The following BPIFB4 variants were observed in gnomAD, a reference collection of about 807,000 sequenced individuals.
BPIFB4 encodes the protein BPI fold containing family B member 4, also known as BPI fold-containing family B member 4.
In BPIFB4, 62 loss-of-function variants were observed where a neutral mutation model predicts 69.2. The ratio of observed to expected loss-of-function variants is 0.90; its 90% CI spans 0.73 to 1.11. The LOEUF is 1.11. BPIFB4 is among the 50% of genes least tolerant of loss of function. The pLI, the probability that BPIFB4 is intolerant of heterozygous loss-of-function variation, is 0.00. For missense variants in BPIFB4, 789 were observed against 792.0 expected (o/e 1.00, Z 0.04); for synonymous variants, 330 against 332.7 (o/e 0.99, Z 0.09).
rs779178772 is a variant in BPIFB4, at chr20:33,083,350, C to T, written c.170-17C>T. 3 of 1,607,484 alleles carry T rather than the reference C, an allele frequency of 1.9e-6. No individual in the cohort carries two copies. Among genetic ancestry groups the T allele is most frequent in the Non-Finnish European group, 2.6e-6 (3 of 1,175,836 alleles). On this transcript the variant is annotated splice_polypyrimidine_tract_variant and intron_variant, in intron 4 of 17. Transcript: ENST00000375483. The stretch of plus-strand genomic sequence containing the variant: ...GACACCATTACAATGACTACAGACG[C>T]ATTGAATTCCCCCGAGGTGTTGGTG...
In BPIFB4 at chr20:33,090,806, G is replaced by A. The variant is rs1981578942; in HGVS notation, c.1143+7G>A. 1 of 1,614,094 alleles carries A rather than the reference G, an allele frequency of 6.2e-7. No individual in the cohort carries two copies. Among genetic ancestry groups the A allele is most frequent in the Non-Finnish European group, 8.5e-7 (1 of 1,179,994 alleles). ...CCTGGAGCTGGACCTCAACGTGAGT[G>A]CCTGGGGTTCAGGGCAAAGGGTGGT... On this transcript the variant is annotated splice_region_variant and intron_variant, in intron 10 of 17. Transcript: ENST00000375483.
intron 7 of BPIFB4, among the ~76,000 whole-genome samples, chr20:33,086,471 G>C (rs547026682): frequency 1.3e-5 from 2 of 152,320 alleles, no homozygotes; most frequent in Admixed American, 1.3e-4. Flanking sequence ...GAATGGTCAG[G>C]AGCATGCCTG....
At position 33,090,665 on chromosome 20, in the gene BPIFB4, G is replaced by T. The variant is rs1335244255; in HGVS notation, c.1052-43G>T. 5 of 1,609,876 alleles carry T rather than the reference G, an allele frequency of 3.1e-6. No homozygotes were observed. In the Admixed American group the frequency reaches 8.3e-5, roughly 27 times the overall value. On this transcript the variant is annotated intron_variant, in intron 9 of 17. Coordinates refer to ENST00000375483, the MANE Select transcript of BPIFB4 (RefSeq NM_182519.3). ...AGTGTATGAGGAGGGAAGGCATCTGGATGGTGAGGGGACCTCCCTGTGACC... is the reference window on the plus strand; with the variant it reads ...AGTGTATGAGGAGGGAAGGCATCTGTATGGTGAGGGGACCTCCCTGTGACC...
chr20:33,087,753 C>CACACACACACAAAA lies in BPIFB4; in HGVS notation c.927-1212_927-1211insCACACACACAAAAA, dbSNP rs56030970. On this transcript the variant is annotated intron_variant, in intron 7 of 17. Coordinates refer to ENST00000375483, the MANE Select transcript of BPIFB4 (RefSeq NM_182519.3). ...ACACACACACACACACACACACACA[C>CACACACACACAAAA]AAGCATGCATGCATACACACACATA... 2.1e-5 allele frequency among the ~76,000 whole-genome samples: 3 copies of CACACACACACAAAA among 140,750 alleles called. No individual in the cohort carries two copies. In the South Asian group the frequency reaches 6.9e-4, roughly 32 times the overall value. 92.3% of individuals were successfully genotyped at this position (140,750 alleles called of 152,430 possible). A position where few individuals can be genotyped will look rare whatever the true frequency, so the allele number is the denominator to read the frequency against.
At chr20:33,103,624 A>C (rs1350750130) in intron 15 of BPIFB4, among the ~76,000 whole-genome samples, 170 of 125,822 alleles carry the variant, frequency 1.4e-3, no homozygotes, top group East Asian at 3.5e-3. Flanking sequence ...CTTCCTCCCC[A>C]CCCCCCCACC....
intron 13 of BPIFB4, 43 bp from the exon 14 acceptor site, chr20:33,100,383 G>A (rs1222814427): frequency 1.3e-6 from 2 of 1,514,420 alleles, no homozygotes; most frequent in African/African-American, 1.4e-5. Context: ...CACTGGCCAA[G>A]ACATGAAGGC....
intron 16 of BPIFB4, 29 bp downstream of exon 16, chr20:33,104,902 G>T: frequency 6.2e-7 from 1 of 1,609,926 alleles, no homozygotes; most frequent in Non-Finnish European, 8.5e-7. Flanking sequence ...GCCTCTCTGG[G>T]AGCTTGTGGC....
At chr20:33,086,218 T>C in intron 7 of BPIFB4, 54 bp downstream of exon 7, 1 of 1,577,338 alleles carries the variant, frequency 6.3e-7, no homozygotes, top group Non-Finnish European at 8.7e-7. Context: ...TGGTCTGTCT[T>C]TGGCAAACAA....
chr20:33,096,278 TTTTC>T (rs1381712309), intron 12 of BPIFB4, among the ~76,000 whole-genome samples: 1 of 152,116 alleles, frequency 6.6e-6, no homozygotes, highest in East Asian at 1.9e-4. Flanking sequence ...AGAGTATACT[TTTTC>T]TTTCTTTTTT....
chr20:33,103,014 T>C lies in BPIFB4; in HGVS notation c.1680T>C (p.Asp560=), dbSNP rs1233785042. The part of the protein sequence containing the change: ...NLRTSNVGNF[D]IGLMEVLVEK... ...GAACCTCAAACGTGGGCAACTTTGA[T>C]GTAAGTACCATGTTTAGTTCCCAGG... Residue 560 remains aspartate, a splice_region_variant and synonymous_variant, in exon 15 of 18, where the codon GAT becomes GAC. Transcript: ENST00000375483. 1 of 1,613,842 alleles carries C rather than the reference T, an allele frequency of 6.2e-7. No homozygotes were observed. Among genetic ancestry groups the C allele is most frequent in the South Asian group, 1.1e-5 (1 of 91,056 alleles).
At chr20:33,083,909 C>T in intron 5 of BPIFB4, 35 bp downstream of exon 5, 3 of 1,558,216 alleles carry the variant, frequency 1.9e-6, no homozygotes, top group Non-Finnish European at 2.6e-6. Flanking sequence ...AGAAAGCCCC[C>T]ATACACCTCC....
At chr20:33,101,262 A>G (rs1981901155) in intron 14 of BPIFB4, among the ~76,000 whole-genome samples, 1 of 152,166 alleles carries the variant, frequency 6.6e-6, no homozygotes, top group Non-Finnish European at 1.5e-5. Flanking sequence ...GCCACCCAGC[A>G]AGTACATAGA....
chr20:33,087,237 C>T (rs1390520516), intron 7 of BPIFB4, among the ~76,000 whole-genome samples: 1 of 152,194 alleles, frequency 6.6e-6, no homozygotes, highest in East Asian at 1.9e-4. Flanking sequence ...GCACAGAGCA[C>T]AGGGCCTCCT....
At chr20:33,088,004 C>T (rs577579287) in intron 7 of BPIFB4, among the ~76,000 whole-genome samples, 3 of 152,130 alleles carry the variant, frequency 2.0e-5, no homozygotes, top group South Asian at 2.1e-4. Context: ...TGGCGAGGGA[C>T]GGAGTGAAGT....
At chr20:33,110,748 C>T (rs1982211357) in intron 17 of BPIFB4, among the ~76,000 whole-genome samples, 1 of 136,702 alleles carries the variant, frequency 7.3e-6, no homozygotes, top group Non-Finnish European at 1.5e-5. Flanking sequence ...TAGAGACTCA[C>T]GAATTTTTTT....
At chr20:33,088,908 C>T in intron 7 of BPIFB4, 58 bp from the exon 8 acceptor site, 1 of 1,610,372 alleles carries the variant, frequency 6.2e-7, no homozygotes, top group Non-Finnish European at 8.5e-7. Context: ...GGGTGGACAG[C>T]CTTGGTGAGC....
chr20:33,083,329 C>G (rs1981298660), intron 4 of BPIFB4, 38 bp from the exon 5 acceptor site: 2 of 1,587,814 alleles, frequency 1.3e-6, no homozygotes, highest in East Asian at 4.5e-5. Context: ...GTGGCCGACA[C>G]CATTACAATG....
chr20:33,101,994 A>G (rs968952785), intron 14 of BPIFB4, among the ~76,000 whole-genome samples: 19 of 152,192 alleles, frequency 1.2e-4, no homozygotes, highest in African/African-American at 4.6e-4. Context: ...AAGCCCACCA[A>G]TGGCAGTTAC....
chr20:33,089,420 G>A (rs146903330), intron 8 of BPIFB4, 78 bp from the exon 9 acceptor site: 15 of 1,604,164 alleles, frequency 9.4e-6, no homozygotes, highest in South Asian at 6.6e-5. Flanking sequence ...TTTAGCTATC[G>A]TTACTCTTGC....
Sources: allele counts gnomAD v4.1 joint callset (sites outside exome capture counted in the v4.1 genomes callset), GRCh38; gene constraint gnomAD v4.1.1; transcripts MANE v1.5; gene names NCBI Gene and HGNC (gene_info 2026-07-23, HGNC 2026-07-21).